ZNF213: variants seen among roughly 807,000 people sequenced by gnomAD.
ZNF213 encodes the protein putative transcription factor CR53.
In ZNF213, 32 loss-of-function variants were observed where a neutral mutation model predicts 46.0. The observed-to-expected ratio is 0.70, with a 90% CI of 0.52 to 0.93. ZNF213 has a LOEUF of 0.93. ZNF213 is among the 40% of genes least tolerant of loss of function. The probability of loss-of-function intolerance (pLI) is 0.00; values close to 1 mark genes in which losing one functional copy is unlikely to be tolerated. For synonymous variants in ZNF213, 297 were observed against 271.0 expected (o/e 1.10, Z -0.94); for missense variants, 639 against 652.8 (o/e 0.98, Z 0.23).
intron 5 of ZNF213, chr16:3,139,416 G>T: frequency 3.5e-6 from 1 of 284,720 alleles, no homozygotes; most frequent in South Asian, 4.1e-5. Context: ...GGATGCTGAA[G>T]GGACACAGCT....
At position 3,137,497 on chromosome 16, in the gene ZNF213, T is replaced by G. The variant is rs1273562202; in HGVS notation, c.217T>G (p.Trp73Gly). The change falls in exon 2 of 6, where the codon TGG becomes GGG. Residue 73 changes from tryptophan (W) to glycine (G), a missense_variant. Coordinates refer to ENST00000396878, the MANE Select transcript of ZNF213 (RefSeq NM_004220.3). ...CCAGCTCTGGGAGCTCTGCTGCCGCTGGCTGCGGCCCGAGCTGCGTACCAA... is the reference window on the plus strand; with the variant it reads ...CCAGCTCTGGGAGCTCTGCTGCCGCGGGCTGCGGCCCGAGCTGCGTACCAA... Reference protein sequence around the residue: ...FSQLWELCCRWLRPELRTKEQ... With the variant: ...FSQLWELCCRGLRPELRTKEQ... The G allele has an allele frequency of 6.2e-7, 1 of 1,613,870 alleles. No homozygotes were observed. The highest frequency in any genetic ancestry group is 1.7e-5 in the Admixed American group (1 of 60,016).
chr16:3,139,367 C>T (rs2064292440), intron 5 of ZNF213: 1 of 447,694 alleles, frequency 2.2e-6, no homozygotes, highest in Non-Finnish European at 4.0e-6. Flanking sequence ...GAAGTATTGT[C>T]CCCATTTTAC....
In ZNF213 at chr16:3,140,520, G is replaced by C. The variant is rs942289114; in HGVS notation, c.722-169G>C. The C allele has an allele frequency of 4.9e-6, 5 of 1,028,482 alleles. No individual in the cohort carries two copies. In the Admixed American group the frequency reaches 1.6e-4, roughly 33 times the overall value. The allele number at this position is 1,028,482 out of a possible 1,614,324, so 63.7% of individuals were successfully genotyped here. A position where few individuals can be genotyped will look rare whatever the true frequency, so the allele number is the denominator to read the frequency against. Reference sequence around the variant, plus strand: ...TTACAGGCTTGAGTCACTGCGCCTGGCCAATCATCCCTGTTTTATAGATGA... The same window carrying C: ...TTACAGGCTTGAGTCACTGCGCCTGCCCAATCATCCCTGTTTTATAGATGA... On this transcript the variant is annotated intron_variant, in intron 5 of 5. Coordinates refer to ENST00000396878, the MANE Select transcript of ZNF213 (RefSeq NM_004220.3).
At position 3,141,550 on chromosome 16, in the gene ZNF213, G is replaced by T; in HGVS notation, c.*203G>T. 1.8e-6 allele frequency: 1 copy of T among 561,082 alleles called. No individual in the cohort carries two copies. Among genetic ancestry groups the T allele is most frequent in the Non-Finnish European group, 3.0e-6 (1 of 329,618 alleles). 34.8% of individuals were successfully genotyped at this position (561,082 alleles called of 1,614,324 possible). On this transcript the variant is annotated 3_prime_UTR_variant, in exon 6 of 6. Transcript: ENST00000396878. Reference sequence around the variant, plus strand: ...AAGGGAACGGAAGCCTTCCCCTCCCGCCCCCGATCTTGTCCTCTTTCCCCC... The same window carrying T: ...AAGGGAACGGAAGCCTTCCCCTCCCTCCCCCGATCTTGTCCTCTTTCCCCC...
In ZNF213 at chr16:3,135,118, GGGGGCC is replaced by G. The variant is rs1237975716; in HGVS notation, c.-379_-374del. Reference sequence around the variant, plus strand: ...GTGTTTCGGGGGCGGGGGCGGGGGCGGGGGCCGGGGCGGGGACGGGGCCTCTGGCCG... The same window carrying G: ...GTGTTTCGGGGGCGGGGGCGGGGGCGGGGGCGGGGACGGGGCCTCTGGCCG... On this transcript the variant is annotated 5_prime_UTR_variant, in exon 1 of 6. Transcript: ENST00000396878. 0.029 allele frequency: 3,977 copies of G among 138,206 alleles called. 203 individuals are homozygous for G. Among genetic ancestry groups the G allele is most frequent in the African/African-American group, 0.1 (3,711 of 36,986 alleles). The allele number at this position is 138,206 out of a possible 1,614,324, so 8.6% of individuals were successfully genotyped here. A position where few individuals can be genotyped will look rare whatever the true frequency, so the allele number is the denominator to read the frequency against.
Position 3,140,897 on chromosome 16 carries a change from C to T in ZNF213, c.930C>T (p.Asp310=), listed in dbSNP as rs1327498073. 30 of 1,584,750 alleles carry T rather than the reference C, an allele frequency of 1.9e-5. No homozygotes were observed. The highest frequency in any genetic ancestry group is 2.1e-5 in the Non-Finnish European group (25 of 1,168,430). The part of the protein sequence containing the change: ...RPPTRRRQFR[D]LAAEKPHSCG... ...CCACTCGCCGGCGCCAGTTCCGGGA[C>T]CTGGCAGCCGAGAAGCCGCACAGCT... The change falls in exon 6 of 6, where the codon GAC becomes GAT. Residue 310 remains aspartate, a synonymous_variant. Coordinates refer to ENST00000396878, the MANE Select transcript of ZNF213 (RefSeq NM_004220.3).
chr16:3,138,571 C>T (rs912408117), intron 3 of ZNF213, 30 bp downstream of exon 3: 26 of 1,613,770 alleles, frequency 1.6e-5, no homozygotes, highest in Non-Finnish European at 1.9e-5. Context: ...TGTGGACAGT[C>T]GAGTGGCTGG....
In ZNF213 at chr16:3,140,972, C is replaced by T. The variant is rs1011798402; in HGVS notation, c.1005C>T (p.His335=). 6.2e-7 allele frequency: 1 copy of T among 1,608,394 alleles called. No individual in the cohort carries two copies. The highest frequency in any genetic ancestry group is 8.5e-7 in the Non-Finnish European group (1 of 1,179,020). The stretch of plus-strand genomic sequence containing the variant: ...GCTGGGGCTCGGACCTGGCGCGGCA[C>T]CAGCGCACGCACACGGGCGAGAAGC... The part of the protein sequence containing the change: ...RFRWGSDLAR[H]QRTHTGEKPH... The change falls in exon 6 of 6, where the codon CAC becomes CAT. Residue 335 remains histidine, a synonymous_variant. Transcript: ENST00000396878.
chr16:3,138,474 G>C lies in ZNF213; in HGVS notation c.456G>C (p.Thr152=), dbSNP rs138124749. 49 of 1,613,234 alleles carry C rather than the reference G, an allele frequency of 3.0e-5. No homozygotes were observed. The highest frequency in any genetic ancestry group is 4.1e-5 in the Non-Finnish European group (48 of 1,179,704). Residue 152 remains threonine (T), a synonymous_variant, in exon 3 of 6, where the codon ACG becomes ACC. Coordinates refer to ENST00000396878, the MANE Select transcript of ZNF213 (RefSeq NM_004220.3). The part of the protein sequence containing the change: ...PEAAGRGSQA[T]GPPPTVGARR... ...CTGCAGGCCGGGGATCCCAGGCCAC[G>C]GGGCCTCCCCCGACGGTGGGGGCAC... is the stretch of plus-strand genomic sequence containing the variant.
chr16:3,137,952 C>A (rs1036748506), intron 2 of ZNF213: 3 of 542,280 alleles, frequency 5.5e-6, no homozygotes, highest in African/African-American at 3.8e-5. Context: ...GCAGGGTCTG[C>A]TGATGTTTAT....
Position 3,137,615 on chromosome 16 carries a change from G to T in ZNF213, c.335G>T (p.Ser112Ile). The T allele has an allele frequency of 6.2e-7, 1 of 1,613,992 alleles. No homozygotes were observed. ...TGGGTGCGTGAGCAGCACCCGGGAA[G>T]CGGTGAGGAGGCTGTCGCCTTGGTG... ...QGWVREQHPG[S>I]GEEAVALVED... is the part of the protein sequence containing the mutation. The change falls in exon 2 of 6, where the codon AGC becomes ATC. Residue 112 changes from serine (S) to isoleucine (I), a missense_variant. Coordinates refer to ENST00000396878, the MANE Select transcript of ZNF213 (RefSeq NM_004220.3).
At chr16:3,139,518 C>G (rs1004211232) in intron 5 of ZNF213, 3 of 195,494 alleles carry the variant, frequency 1.5e-5, no homozygotes, top group Non-Finnish European at 2.1e-5. Context: ...CAGCCTGGGC[C>G]CCTGCTCGTC....
At position 3,142,084 on chromosome 16, in the gene ZNF213, C is replaced by G. The variant is rs1957610964; in HGVS notation, c.*737C>G. 1 of 154,804 alleles carries G rather than the reference C, an allele frequency of 6.5e-6. No individual in the cohort carries two copies. Among genetic ancestry groups the G allele is most frequent in the African/African-American group, 2.4e-5 (1 of 41,446 alleles). The allele number at this position is 154,804 out of a possible 1,614,324, so 9.6% of individuals were successfully genotyped here. A position where few individuals can be genotyped will look rare whatever the true frequency, so the allele number is the denominator to read the frequency against. On this transcript the variant is annotated 3_prime_UTR_variant, in exon 6 of 6. Transcript: ENST00000396878. ...AGACCAAGAACAGGGCGCCTGGCTG[C>G]CATCTTTTCCTCCAGAGGTGGGGCT...
rs1172327844 is a variant in ZNF213, at chr16:3,137,120, T to G, written c.-115-46T>G. On this transcript the variant is annotated intron_variant, in intron 1 of 5. Transcript: ENST00000396878. ...CTTCAGCCTGGGGTTTGCTCGTGTA[T>G]TCCACATCCTTCCTCCTCAGTCCTG... The G allele has an allele frequency of 3.2e-6, 3 of 932,726 alleles. No individual in the cohort carries two copies. The African/African-American group carries it at 5.0e-5, about 16-fold the overall frequency. 57.8% of individuals were successfully genotyped at this position (932,726 alleles called of 1,614,324 possible). A position where few individuals can be genotyped will look rare whatever the true frequency, so the allele number is the denominator to read the frequency against.
Position 3,140,807 on chromosome 16 carries a change from G to T in ZNF213, c.840G>T (p.Trp280Cys). 6.3e-7 allele frequency: 1 copy of T among 1,595,698 alleles called. No individual in the cohort carries two copies. Among genetic ancestry groups the T allele is most frequent in the Non-Finnish European group, 8.5e-7 (1 of 1,173,550 alleles). The change falls in exon 6 of 6, where the codon TGG (tryptophan) becomes TGT (cysteine). Residue 280 changes from tryptophan (W) to cysteine (C), a missense_variant. Transcript: ENST00000396878. The stretch of plus-strand genomic sequence containing the variant: ...GGAGCCCCGAGGAGGCTGAGGCCTG[G>T]GAGAGCGAGAACCGGCCGAGGGCGG... Reference protein sequence around the residue: ...VSWSPEEAEAWESENRPRAAL... With the variant: ...VSWSPEEAEACESENRPRAAL...
Position 3,141,422 on chromosome 16 carries a change from C to T in ZNF213, c.*75C>T. 23 of 1,459,650 alleles carry T rather than the reference C, an allele frequency of 1.6e-5. No homozygotes were observed. The highest frequency in any genetic ancestry group is 2.1e-5 in the Non-Finnish European group (23 of 1,105,876). 90.4% of individuals were successfully genotyped at this position (1,459,650 alleles called of 1,614,324 possible). On this transcript the variant is annotated 3_prime_UTR_variant, in exon 6 of 6. Transcript: ENST00000396878. The stretch of plus-strand genomic sequence containing the variant: ...TGCTTTGTTCACCACTGGGACTCTC[C>T]TTCCATCTGTGGCCACCTCCCGGGC...
chr16:3,139,917 A>G (rs1335043442), intron 5 of ZNF213: 2 of 150,450 alleles, frequency 1.3e-5, no homozygotes, highest in Non-Finnish European at 3.0e-5. Flanking sequence ...ATTTTTTTGT[A>G]TTTTTAATAG....
At position 3,138,540 on chromosome 16, in the gene ZNF213, C is replaced by T. The variant is rs140652197; in HGVS notation, c.522C>T (p.Ser174=). 80 of 1,613,926 alleles carry T rather than the reference C, an allele frequency of 5.0e-5. No homozygotes were observed. Among genetic ancestry groups the T allele is most frequent in the East Asian group, 8.9e-5 (4 of 44,890 alleles). ...TTCCCCAGGAGCAGCACAGCCATAG[C>T]GGTGAGTAAGCCTCCGTTCTTGTGG... ...PSVPQEQHSH[S]AQPPALLKEG... Residue 174 remains serine, a splice_region_variant and synonymous_variant, in exon 3 of 6, where the codon AGC becomes AGT. Coordinates refer to ENST00000396878, the MANE Select transcript of ZNF213 (RefSeq NM_004220.3).
Position 3,137,266 on chromosome 16 carries a change from C to T in ZNF213, c.-15C>T, listed in dbSNP as rs1957549743. The T allele has an allele frequency of 6.4e-7, 1 of 1,571,846 alleles. No individual in the cohort carries two copies. Among genetic ancestry groups the T allele is most frequent in the Non-Finnish European group, 8.6e-7 (1 of 1,158,252 alleles). On this transcript the variant is annotated 5_prime_UTR_variant, in exon 2 of 6. Transcript: ENST00000396878. The stretch of plus-strand genomic sequence containing the variant: ...CAGGTTGAAGCCGACCAACCCTGAG[C>T]CTCAGGCCAGGGGAATGGCAGCCCC...
Sources: allele counts gnomAD v4.1 joint callset, GRCh38; gene constraint gnomAD v4.1.1; transcripts MANE v1.5; gene names NCBI Gene and HGNC (gene_info 2026-07-23, HGNC 2026-07-21).